The following FMN1 variants were observed in gnomAD, a reference collection of about 807,000 sequenced individuals.
The protein encoded by FMN1 is formin-1.
A neutral mutation model predicts 132.4 loss-of-function variants in FMN1; 110 were observed. The observed-to-expected ratio is 0.83, with a 90% CI of 0.71 to 0.97. The LOEUF (loss-of-function observed/expected upper bound fraction) is 0.97, where lower values mean the gene tolerates loss of function less well. Ranked by LOEUF, FMN1 falls within the 50% of genes least tolerant of loss-of-function variation. FMN1 has a pLI of 0.00. For missense variants in FMN1, 1,792 were observed against 1,705.3 expected (o/e 1.05, Z -0.90); for synonymous variants, 722 against 651.7 (o/e 1.11, Z -1.64).
At chr15:32,839,731 C>A (rs928222652) in intron 17 of FMN1, among the ~76,000 whole-genome samples, 2 of 151,378 alleles carry the variant, frequency 1.3e-5, no homozygotes, top group Non-Finnish European at 2.9e-5. Flanking sequence ...CTCTTGAGAA[C>A]CGATTTCTCC....
In FMN1 at chr15:33,066,645, T is replaced by G. The variant is rs550711778; in HGVS notation, c.2044-1571A>C. ...GAGGTGTCAGCTGTGGTCCCCTTTCTGGGGGGCCGGATGAATAGGGCTTTA... is the reference window on the plus strand; with the variant it reads ...GAGGTGTCAGCTGTGGTCCCCTTTCGGGGGGGCCGGATGAATAGGGCTTTA... On this transcript the variant is annotated intron_variant, in intron 5 of 20. Transcript: ENST00000616417. 3.4e-5 allele frequency: 55 copies of G among 1,613,844 alleles called. No individual in the cohort carries two copies. In the South Asian group the frequency reaches 5.8e-4, roughly 17 times the overall value.
At chr15:32,794,577 T>TA (rs1218797639) in intron 19 of FMN1, among the ~76,000 whole-genome samples, 2 of 142,902 alleles carry the variant, frequency 1.4e-5, no homozygotes, top group Admixed American at 1.4e-4. Flanking sequence ...CCAAAAAAAA[T>TA]AAAAAATAAA....
At chr15:32,927,084 A>G (rs759543707) in intron 9 of FMN1, among the ~76,000 whole-genome samples, 6 of 152,200 alleles carry the variant, frequency 3.9e-5, no homozygotes, top group African/African-American at 9.6e-5. Flanking sequence ...GGCATTAGTC[A>G]TTGCACCTGG....
intron 4 of FMN1, chr15:33,151,451 C>T: frequency 6.8e-7 from 1 of 1,478,178 alleles, no homozygotes; most frequent in Non-Finnish European, 9.1e-7. Context: ...CATCCATTCA[C>T]CTTGTCACTC....
chr15:32,848,507 G>A (rs1209948692), intron 17 of FMN1, among the ~76,000 whole-genome samples: 1 of 152,176 alleles, frequency 6.6e-6, no homozygotes, highest in African/African-American at 2.4e-5. Context: ...CTAGCTCATA[G>A]ATCTTGCTTG....
chr15:33,188,726 TGA>T (rs777560417), intron 2 of FMN1, among the ~76,000 whole-genome samples: 1 of 152,024 alleles, frequency 6.6e-6, no homozygotes, highest in African/African-American at 2.4e-5. Flanking sequence ...AAACTGAGTC[TGA>T]GAGTTGACTG....
chr15:32,857,158 C>T, intron 16 of FMN1, 51 bp from the exon 17 acceptor site: 1 of 1,395,488 alleles, frequency 7.2e-7, no homozygotes, highest in Non-Finnish European at 1.0e-6. Flanking sequence ...TTGCTGAGCT[C>T]CTGCTATGGG....
At chr15:32,806,072 G>A (rs968041501) in intron 17 of FMN1, among the ~76,000 whole-genome samples, 9 of 152,024 alleles carry the variant, frequency 5.9e-5, no homozygotes, top group Non-Finnish European at 1.3e-4. Flanking sequence ...AGAAAAATAG[G>A]AAAGTTGTTA....
intron 9 of FMN1, among the ~76,000 whole-genome samples, chr15:32,930,277 G>A (rs998796459): frequency 3.9e-5 from 6 of 151,988 alleles, no homozygotes; most frequent in Admixed American, 6.6e-5. Context: ...GTGAGCCACC[G>A]TCCCTGGTCT....
chr15:33,066,911 G>A, intron 5 of FMN1: 3 of 1,613,944 alleles, frequency 1.9e-6, no homozygotes, highest in Non-Finnish European at 2.5e-6. Context: ...ACTCTTCACT[G>A]TCTGCAGCCC....
At chr15:33,175,304 A>G (rs1177727121) in intron 3 of FMN1, among the ~76,000 whole-genome samples, 1 of 152,146 alleles carries the variant, frequency 6.6e-6, no homozygotes, top group Non-Finnish European at 1.5e-5. Context: ...CCTAGGCTCA[A>G]GTGACCCGCC....
At chr15:33,100,887 TA>T in intron 4 of FMN1, among the ~76,000 whole-genome samples, 1 of 152,304 alleles carries the variant, frequency 6.6e-6, no homozygotes, top group South Asian at 2.1e-4. Context: ...TATAATTATT[TA>T]AAATCATGTT....
chr15:33,090,117 G>A (rs1003304832), intron 4 of FMN1, among the ~76,000 whole-genome samples: 1 of 152,288 alleles, frequency 6.6e-6, no homozygotes, highest in Middle Eastern at 3.4e-3. Context: ...TTCCTGGTAA[G>A]CAACCTTGGC....
At chr15:32,803,751 C>T (rs1237029082) in intron 18 of FMN1, among the ~76,000 whole-genome samples, 1 of 152,140 alleles carries the variant, frequency 6.6e-6, no homozygotes, top group African/African-American at 2.4e-5. Flanking sequence ...AAGGATCAAA[C>T]TGTCCCTGAC....
chr15:33,171,064 T>C (rs1965301157), intron 3 of FMN1, among the ~76,000 whole-genome samples: 1 of 152,208 alleles, frequency 6.6e-6, no homozygotes, highest in Non-Finnish European at 1.5e-5. Context: ...AATGAAATCA[T>C]GTCATTTGCA....
chr15:32,936,859 C>T (rs1186874300), intron 9 of FMN1, among the ~76,000 whole-genome samples: 2 of 152,168 alleles, frequency 1.3e-5, no homozygotes, highest in Non-Finnish European at 2.9e-5. Flanking sequence ...CTTCTTTCCC[C>T]TGCAGTCCAT....
intron 4 of FMN1, among the ~76,000 whole-genome samples, chr15:33,128,869 G>A (rs1219945003): frequency 2.0e-5 from 3 of 152,206 alleles, no homozygotes; most frequent in African/African-American, 4.8e-5. Flanking sequence ...GCAGAGGCCT[G>A]CGTGCGTGGC....
intron 5 of FMN1, chr15:33,068,061 C>T (rs535628198): frequency 3.0e-5 from 42 of 1,420,060 alleles, no homozygotes; most frequent in Non-Finnish European, 3.4e-5. Context: ...GCCCTCCTTC[C>T]GGTTTGTGCG....
chr15:33,033,077 A>C (rs149201663), intron 6 of FMN1, among the ~76,000 whole-genome samples: 253 of 152,098 alleles, frequency 1.7e-3, no homozygotes, highest in African/African-American at 5.3e-3. Flanking sequence ...GTCGCCCAGG[A>C]TGGAGTGCAG....
Sources: gnomAD v4.1 joint callset for allele counts (sites outside exome capture counted in the v4.1 genomes callset) on GRCh38, gnomAD v4.1.1 for gene constraint, MANE v1.5 for transcripts, NCBI Gene and HGNC (gene_info 2026-07-23, HGNC 2026-07-21) for gene names.